Variants in KCNIP1 observed in about 807,000 individuals in gnomAD.
KCNIP1 encodes potassium voltage-gated channel interacting protein 1.
A neutral mutation model predicts 33.0 loss-of-function variants in KCNIP1; 18 were observed. The ratio of observed to expected loss-of-function variants is 0.55; its 90% confidence interval spans 0.38 to 0.81. The LOEUF (loss-of-function observed/expected upper bound fraction) is 0.81. Among genes scored for constraint, KCNIP1 ranks in the 30% least tolerant of loss-of-function variants. The pLI is 0.00. For synonymous variants in KCNIP1, 93 were observed against 98.3 expected (o/e 0.95, Z 0.32); for missense variants, 238 against 271.6 (o/e 0.88, Z 0.87).
chr5:170,432,830 G>T (rs1755774364), intron 1 of KCNIP1, among the ~76,000 whole-genome samples: 1 of 152,122 alleles, frequency 6.6e-6, no homozygotes, highest in South Asian at 2.1e-4. Context: ...GTCTAGTGAG[G>T]GTGACAGATA....
At chr5:170,725,374 G>A (rs540118336) in intron 5 of KCNIP1, among the ~76,000 whole-genome samples, 4 of 152,262 alleles carry the variant, frequency 2.6e-5, no homozygotes, top group African/African-American at 4.8e-5. Context: ...CATCTACAAC[G>A]TGGATGGAAT....
chr5:170,360,263 T>C (rs1282920766), intron 1 of KCNIP1, among the ~76,000 whole-genome samples: 1 of 152,198 alleles, frequency 6.6e-6, no homozygotes, highest in East Asian at 1.9e-4. Flanking sequence ...GAAGTGGCGA[T>C]GTGAAGTCAC....
intron 1 of KCNIP1, among the ~76,000 whole-genome samples, chr5:170,680,245 C>T (rs1179216970): frequency 6.6e-6 from 1 of 152,180 alleles, no homozygotes; most frequent in Non-Finnish European, 1.5e-5. Context: ...CCCTTTTCCC[C>T]ATGTCAAGCA....
intron 1 of KCNIP1, among the ~76,000 whole-genome samples, chr5:170,364,630 A>T (rs1009501363): frequency 6.6e-6 from 1 of 151,940 alleles, no homozygotes; most frequent in Non-Finnish European, 1.5e-5. Context: ...CTCTCCCTCA[A>T]TTCATTCAAA....
chr5:170,475,177 TC>T (rs35734607), intron 1 of KCNIP1, among the ~76,000 whole-genome samples: 1 of 152,170 alleles, frequency 6.6e-6, no homozygotes, highest in South Asian at 2.1e-4. Flanking sequence ...CATTTTACAA[TC>T]CCCTTGTAAG....
At chr5:170,357,044 C>A (rs1763366968) in intron 1 of KCNIP1, among the ~76,000 whole-genome samples, 1 of 152,098 alleles carries the variant, frequency 6.6e-6, no homozygotes, top group Non-Finnish European at 1.5e-5. Flanking sequence ...GGGCAGGCTT[C>A]TGGCATCCCC....
chr5:170,420,533 C>CAAAAAAAAA (rs201638118), intron 1 of KCNIP1: 8 of 118,822 alleles, frequency 6.7e-5, no homozygotes, highest in Non-Finnish European at 9.0e-5. Context: ...AACTCCAACT[C>CAAAAAAAAA]AAAAAAAAAA....
At chr5:170,540,548 C>T (rs1440764558) in intron 1 of KCNIP1, among the ~76,000 whole-genome samples, 1 of 152,162 alleles carries the variant, frequency 6.6e-6, no homozygotes, top group African/African-American at 2.4e-5. Flanking sequence ...CACAAGCCCA[C>T]CATGTGATGA....
chr5:170,480,962 T>C (rs1391433337), intron 1 of KCNIP1, among the ~76,000 whole-genome samples: 1 of 152,186 alleles, frequency 6.6e-6, no homozygotes, highest in Non-Finnish European at 1.5e-5. Flanking sequence ...ATATATTTAA[T>C]AGAAGAAATA....
chr5:170,611,555 G>T (rs79065335), intron 1 of KCNIP1, among the ~76,000 whole-genome samples: 1 of 152,204 alleles, frequency 6.6e-6, no homozygotes, highest in Non-Finnish European at 1.5e-5. Flanking sequence ...TCCACTCAGG[G>T]TCGAAGACAC....
chr5:170,677,683 C>A (rs141055403), intron 1 of KCNIP1, among the ~76,000 whole-genome samples: 2 of 152,138 alleles, frequency 1.3e-5, no homozygotes, highest in African/African-American at 4.8e-5. Flanking sequence ...ATGTCTGGAT[C>A]ATAACAAAAG....
At chr5:170,700,242 A>C (rs1433020058) in intron 1 of KCNIP1, among the ~76,000 whole-genome samples, 1 of 152,056 alleles carries the variant, frequency 6.6e-6, no homozygotes, top group Non-Finnish European at 1.5e-5. Flanking sequence ...GCTCTGTGTC[A>C]AGGCCACCAC....
intron 1 of KCNIP1, among the ~76,000 whole-genome samples, chr5:170,707,440 G>A (rs535172862): frequency 7.2e-5 from 11 of 152,274 alleles, no homozygotes; most frequent in Middle Eastern, 3.4e-3. Flanking sequence ...TTTCCCAGCC[G>A]TTTGTTTCTT....
intron 5 of KCNIP1, among the ~76,000 whole-genome samples, chr5:170,730,299 G>C (rs1764151733): frequency 6.6e-6 from 1 of 152,092 alleles, no homozygotes; most frequent in African/African-American, 2.4e-5. Context: ...ACTTACTAGT[G>C]CCTACTCCCT....
At chr5:170,522,756 C>T (rs150700745) in intron 1 of KCNIP1, among the ~76,000 whole-genome samples, 2 of 152,354 alleles carry the variant, frequency 1.3e-5, no homozygotes, top group African/African-American at 4.8e-5. Context: ...GGTCTGTTTC[C>T]AGCTGCACTG....
At chr5:170,383,935 G>A (rs1367800636) in intron 1 of KCNIP1, 3 of 1,403,048 alleles carry the variant, frequency 2.1e-6, no homozygotes, top group Non-Finnish European at 1.9e-6. Flanking sequence ...TATCCCCTGG[G>A]AGCCTCTAGA....
At chr5:170,438,353 G>A (rs974951168) in intron 1 of KCNIP1, among the ~76,000 whole-genome samples, 3 of 152,196 alleles carry the variant, frequency 2.0e-5, no homozygotes, top group East Asian at 1.9e-4. Context: ...AAAATACCTC[G>A]TGTGGGGACA....
intron 1 of KCNIP1, chr5:170,378,911 G>C (rs1161564345): frequency 6.2e-7 from 1 of 1,614,124 alleles, no homozygotes; most frequent in Non-Finnish European, 8.5e-7. Flanking sequence ...ATTTGGCTCT[G>C]ACCTTCTCCA....
intron 1 of KCNIP1, among the ~76,000 whole-genome samples, chr5:170,599,452 A>G (rs1156234398): frequency 2.0e-5 from 3 of 152,098 alleles, no homozygotes; most frequent in African/African-American, 7.2e-5. Flanking sequence ...GTCTTACTCA[A>G]CCCTTCAGAC....
Sources: allele counts gnomAD v4.1 joint callset (sites outside exome capture counted in the v4.1 genomes callset), GRCh38; gene constraint gnomAD v4.1.1; transcripts MANE v1.5; gene names NCBI Gene and HGNC (gene_info 2026-07-23, HGNC 2026-07-21).